Variants in PIERCE1 observed in about 807,000 individuals in gnomAD.
PIERCE1 encodes the protein piercer of microtubule wall 1 protein.
the PIERCE1 span, chr9:135,498,643 A>G: frequency 1.9e-6 from 3 of 1,614,052 alleles, no homozygotes; most frequent in Non-Finnish European, 2.5e-6. This position sits in a 1 kb window ranked among gnomAD's most constrained non-coding sequence, Gnocchi z 4.1. Context: ...GGTCCTGTAC[A>G]CGGAGACAGC....
the PIERCE1 span, chr9:135,498,558 C>T: frequency 6.2e-7 from 1 of 1,610,774 alleles, no homozygotes; most frequent in Admixed American, 1.7e-5. This position sits in a 1 kb window ranked among gnomAD's most constrained non-coding sequence, Gnocchi z 4.1. Flanking sequence ...CCCCTGCCCC[C>T]CATGCCCGGT....
At chr9:135,495,425 C>T in the PIERCE1 span, 87 of 1,612,358 alleles carry the variant, frequency 5.4e-5, no homozygotes, top group Non-Finnish European at 7.0e-5. Context: ...GTTTCCAGCC[C>T]CTCAATCGCA....
chr9:135,497,520 A>C, the PIERCE1 span, among the ~76,000 whole-genome samples: 71,535 of 151,848 alleles, frequency 0.47, 17,347 homozygotes, highest in East Asian at 0.84. Flanking sequence ...CCTGGGCTCA[A>C]GCAATCCTCC....
the PIERCE1 span, chr9:135,499,053 C>A: frequency 2.9e-5 from 8 of 271,956 alleles, no homozygotes; most frequent in Non-Finnish European, 5.7e-5. Context: ...TGCCTCTGAG[C>A]CCCCACCCTC....
the PIERCE1 span, chr9:135,495,630 G>A: frequency 1.3e-6 from 2 of 1,595,194 alleles, no homozygotes; most frequent in African/African-American, 2.7e-5. Flanking sequence ...AAGAGATAAA[G>A]GAACACGGAT....
At chr9:135,497,588 T>A in the PIERCE1 span, among the ~76,000 whole-genome samples, 1 of 152,124 alleles carries the variant, frequency 6.6e-6, no homozygotes, top group Admixed American at 6.5e-5. Context: ...CCCAGCTAAT[T>A]ATTTTATTTT....
At chr9:135,498,564 C>T in the PIERCE1 span, 1 of 1,612,744 alleles carries the variant, frequency 6.2e-7, no homozygotes, top group African/African-American at 1.3e-5. The surrounding 1 kb of genome is among the most constrained non-coding windows in gnomAD (Gnocchi z 4.1). Flanking sequence ...CCCCCCATGC[C>T]CGGTCTTGCA....
At chr9:135,499,433 G>A in the PIERCE1 span, 1 of 678,518 alleles carries the variant, frequency 1.5e-6, no homozygotes, top group South Asian at 1.5e-5. Flanking sequence ...AGAGAGGAGA[G>A]GAGACTCACC....
At chr9:135,497,567 A>G in the PIERCE1 span, among the ~76,000 whole-genome samples, 1 of 151,956 alleles carries the variant, frequency 6.6e-6, no homozygotes, top group Non-Finnish European at 1.5e-5. Flanking sequence ...CTACAGGTGC[A>G]TGCCACCACA....
the PIERCE1 span, chr9:135,495,565 A>G: frequency 1.2e-6 from 2 of 1,613,998 alleles, no homozygotes; most frequent in South Asian, 1.1e-5. Context: ...GGAACATTCC[A>G]CCCGCTGCAA....
the PIERCE1 span, among the ~76,000 whole-genome samples, chr9:135,496,338 C>G: frequency 1.1e-4 from 17 of 152,200 alleles, no homozygotes; most frequent in Admixed American, 6.5e-5. Context: ...GCTGAGGCCA[C>G]TCGTGTGGGC....
chr9:135,499,452 A>C, the PIERCE1 span: 4 of 695,384 alleles, frequency 5.8e-6, no homozygotes, highest in African/African-American at 7.0e-5. Context: ...CCCGACACAA[A>C]TCAGTGGAGC....
At chr9:135,496,646 C>T in the PIERCE1 span, among the ~76,000 whole-genome samples, 1 of 152,210 alleles carries the variant, frequency 6.6e-6, no homozygotes, top group South Asian at 2.1e-4. Context: ...CTGTCCTTAG[C>T]ATGTCGCACT....
chr9:135,499,730 G>T, the PIERCE1 span: 3 of 1,608,048 alleles, frequency 1.9e-6, no homozygotes, highest in Non-Finnish European at 2.5e-6. Flanking sequence ...GAACCACCCC[G>T]GGTTGTTGAA....
chr9:135,497,207 G>A, the PIERCE1 span, among the ~76,000 whole-genome samples: 7 of 152,258 alleles, frequency 4.6e-5, no homozygotes, highest in Admixed American at 3.9e-4. Flanking sequence ...GACTCCAGAC[G>A]GAGCAGGTGG....
At chr9:135,497,044 G>A in the PIERCE1 span, among the ~76,000 whole-genome samples, 2 of 152,156 alleles carry the variant, frequency 1.3e-5, no homozygotes, top group Non-Finnish European at 2.9e-5. Flanking sequence ...TGATCCACCC[G>A]CCTCGGCCTC....
chr9:135,499,855 G>T, the PIERCE1 span: 2 of 1,557,634 alleles, frequency 1.3e-6, no homozygotes, highest in East Asian at 2.3e-5. Flanking sequence ...CAGCCATTGT[G>T]CCTGGAGGAG....
At chr9:135,499,500 C>G in the PIERCE1 span, 1 of 747,768 alleles carries the variant, frequency 1.3e-6, no homozygotes, top group Non-Finnish European at 2.4e-6. Context: ...CACGGCCCTG[C>G]CCCCCACTGC....
chr9:135,495,454 G>A, the PIERCE1 span: 5 of 1,614,080 alleles, frequency 3.1e-6, no homozygotes, highest in Non-Finnish European at 3.4e-6. Flanking sequence ...GCCTGTTGAT[G>A]TTGTAACTGG....
Sources: allele counts gnomAD v4.1 joint callset (sites outside exome capture counted in the v4.1 genomes callset), GRCh38; gene constraint gnomAD v4.1.1; non-coding constraint Gnocchi (gnomAD v3.1); transcripts MANE v1.5; gene names NCBI Gene and HGNC (gene_info 2026-07-23, HGNC 2026-07-21).